IL1RAPL2: variants seen among roughly 807,000 people sequenced by gnomAD.
The protein encoded by IL1RAPL2 is interleukin 1 receptor accessory protein like 2.
IL1RAPL2 carries 3 observed loss-of-function variants against 44.1 expected under a neutral mutation model. The observed-to-expected ratio is 0.07, with a 90% CI of 0.03 to 0.18. The LOEUF (loss-of-function observed/expected upper bound fraction) is 0.18. Ranked by LOEUF, IL1RAPL2 falls within the 10% of genes least tolerant of loss-of-function variation. The probability of loss-of-function intolerance (pLI) is 1.00; values close to 1 mark genes in which losing one functional copy is unlikely to be tolerated. For synonymous variants in IL1RAPL2, 181 were observed against 178.8 expected (o/e 1.01, Z -0.10); for missense variants, 391 against 496.4 (o/e 0.79, Z 2.02).
chrX:105,254,075 T>C (rs1242588624), intron 4 of IL1RAPL2, among the ~76,000 whole-genome samples: 2 of 111,737 alleles, frequency 1.8e-5, no homozygotes, highest in Non-Finnish European at 3.8e-5. Context: ...TACCCAGTAA[T>C]AGTATTGCTG....
At chrX:104,875,925 A>AT (rs368809296) in intron 2 of IL1RAPL2, among the ~76,000 whole-genome samples, 135 of 103,887 alleles carry the variant, frequency 1.3e-3, no homozygotes, top group East Asian at 5.1e-3. Context: ...TCTTGTTACT[A>AT]TTTTTTTTTT....
intron 2 of IL1RAPL2, among the ~76,000 whole-genome samples, chrX:105,151,514 T>G (rs917722596): frequency 1.9e-5 from 2 of 105,941 alleles, no homozygotes; most frequent in Admixed American, 1.0e-4. Context: ...GGTTTTTCTG[T>G]TTTTTTTTGT....
intron 2 of IL1RAPL2, among the ~76,000 whole-genome samples, chrX:105,115,738 G>T (rs762885087): frequency 3.5e-5 from 4 of 113,003 alleles, no homozygotes; most frequent in Admixed American, 2.8e-4. Context: ...CCAGTTATGC[G>T]CCTTGCGCCT....
At chrX:105,248,624 A>G (rs1050615063) in intron 4 of IL1RAPL2, among the ~76,000 whole-genome samples, 11 of 104,919 alleles carry the variant, frequency 1.0e-4, no homozygotes, top group African/African-American at 3.2e-4. Flanking sequence ...CAGAATATAT[A>G]AGGATCTCAA....
chrX:104,660,720 T>C (rs967005967), intron 2 of IL1RAPL2, among the ~76,000 whole-genome samples: 15 of 106,274 alleles, frequency 1.4e-4, no homozygotes, highest in African/African-American at 5.2e-4. Flanking sequence ...GTGGATTGCT[T>C]GTGCTAAGGA....
chrX:104,929,738 G>A (rs1198046849), intron 2 of IL1RAPL2, among the ~76,000 whole-genome samples: 1 of 111,314 alleles, frequency 9.0e-6, no homozygotes, highest in Admixed American at 9.6e-5. Flanking sequence ...TTCCAGATCT[G>A]CTTGGTATCT....
Position 105,423,250 on chromosome X carries a change from A to G in IL1RAPL2, c.698-61063A>G, listed in dbSNP as rs186565060. On this transcript the variant is annotated intron_variant, in intron 5 of 10. Transcript: ENST00000372582. ...GTCATTTTTGGACTTCAGGAAACCT[A>G]ATATCTTAAAGGATTAATTAGGTCA... is the stretch of plus-strand genomic sequence containing the variant. 3.6e-5 allele frequency among the ~76,000 whole-genome samples: 4 copies of G among 111,759 alleles called. No individual in the cohort carries two copies. In the East Asian group the frequency reaches 1.1e-3, roughly 32 times the overall value.
chrX:105,260,142 AAAG>A (rs749350366), intron 4 of IL1RAPL2, among the ~76,000 whole-genome samples: 163 of 111,512 alleles, frequency 1.5e-3, no homozygotes, highest in Non-Finnish European at 2.6e-3. Flanking sequence ...CCTGCTTAAA[AAAG>A]AAGACTGGCT....
chrX:105,015,517 C>T (rs1460852224), intron 2 of IL1RAPL2, among the ~76,000 whole-genome samples: 1 of 111,885 alleles, frequency 8.9e-6, no homozygotes, highest in African/African-American at 3.3e-5. Context: ...GAACTAGTTT[C>T]AGCTTTGTGC....
intron 2 of IL1RAPL2, among the ~76,000 whole-genome samples, chrX:105,134,547 A>G (rs1222752908): frequency 1.8e-5 from 2 of 111,690 alleles, no homozygotes; most frequent in Non-Finnish European, 3.8e-5. Flanking sequence ...TTGTGGTTTT[A>G]ATAGCCATGT....
At chrX:105,180,373 A>G (rs1366454057) in intron 2 of IL1RAPL2, among the ~76,000 whole-genome samples, 1 of 110,871 alleles carries the variant, frequency 9.0e-6, no homozygotes, top group African/African-American at 3.3e-5. Context: ...AAAAGAAAAG[A>G]AAAAAAGAAA....
chrX:104,726,856 T>C (rs1321156654), intron 2 of IL1RAPL2, among the ~76,000 whole-genome samples: 1 of 110,858 alleles, frequency 9.0e-6, no homozygotes, highest in Non-Finnish European at 1.9e-5. Flanking sequence ...GTTTCTACCC[T>C]TGTTGTTTTT....
chrX:105,495,178 C>A (rs1461780231), intron 6 of IL1RAPL2, among the ~76,000 whole-genome samples: 1 of 112,082 alleles, frequency 8.9e-6, no homozygotes, highest in Non-Finnish European at 1.9e-5. Context: ...TGAACATAGC[C>A]ACTGAAAAGT....
intron 6 of IL1RAPL2, among the ~76,000 whole-genome samples, chrX:105,512,173 T>C (rs2036475221): frequency 9.0e-6 from 1 of 111,223 alleles, no homozygotes; most frequent in African/African-American, 3.3e-5. Context: ...TATGTTCCAA[T>C]TGAACAATAA....
At chrX:105,519,217 G>A (rs187381512) in intron 6 of IL1RAPL2, among the ~76,000 whole-genome samples, 10 of 111,580 alleles carry the variant, frequency 9.0e-5, no homozygotes, top group East Asian at 8.6e-4. Context: ...ATATATACAC[G>A]TGTATATTGG....
intron 6 of IL1RAPL2, among the ~76,000 whole-genome samples, chrX:105,503,181 A>T (rs1235742626): frequency 9.0e-6 from 1 of 111,473 alleles, no homozygotes; most frequent in African/African-American, 3.3e-5. Context: ...TAACTTTTCC[A>T]TCATATTATT....
intron 8 of IL1RAPL2, among the ~76,000 whole-genome samples, chrX:105,746,459 T>C (rs2038543695): frequency 8.9e-6 from 1 of 111,908 alleles, no homozygotes; most frequent in African/African-American, 3.2e-5. Context: ...CCAGGTGTCA[T>C]TAGGGTGATG....
intron 7 of IL1RAPL2, among the ~76,000 whole-genome samples, chrX:105,736,401 GAA>G (rs377272878): frequency 2.6e-4 from 24 of 92,055 alleles, no homozygotes; most frequent in African/African-American, 7.8e-4. Context: ...CTTCTGCACA[GAA>G]AAAAAAAAAA....
intron 1 of IL1RAPL2, among the ~76,000 whole-genome samples, chrX:104,610,519 C>A (rs1369840202): frequency 8.9e-6 from 1 of 112,053 alleles, no homozygotes; most frequent in Non-Finnish European, 1.9e-5. Flanking sequence ...GAGTGAACTC[C>A]TATTCACAAT....
Sources: allele counts gnomAD v4.1 joint callset (sites outside exome capture counted in the v4.1 genomes callset), GRCh38; gene constraint gnomAD v4.1.1; transcripts MANE v1.5; gene names NCBI Gene and HGNC (gene_info 2026-07-23, HGNC 2026-07-21).